SPEG: variants seen among roughly 807,000 people sequenced by gnomAD.
The protein encoded by SPEG is striated muscle preferentially expressed protein kinase.
In SPEG, 114 loss-of-function variants were observed where a neutral mutation model predicts 300.4. The ratio of observed to expected loss-of-function variants is 0.38; its 90% CI spans 0.33 to 0.44. The LOEUF is 0.44. Among genes scored for constraint, SPEG ranks in the 20% least tolerant of loss-of-function variants. The pLI is 1.00. For missense variants in SPEG, 4,201 were observed against 4,586.2 expected (o/e 0.92, Z 2.43); for synonymous variants, 1,964 against 2,018.9 (o/e 0.97, Z 0.73).
intron 31 of SPEG, among the ~76,000 whole-genome samples, chr2:219,486,278 C>A (rs1200759703): frequency 6.6e-6 from 1 of 152,218 alleles, no homozygotes; most frequent in African/African-American, 2.4e-5. Context: ...GCAAAGGCTT[C>A]GGGAGGTTGG....
At position 219,437,812 on chromosome 2, in the gene SPEG, C is replaced by T. The variant is rs367721273; in HGVS notation, c.388+2447C>T. Among the ~76,000 whole-genome samples, 5 of 152,278 alleles carry T rather than the reference C, an allele frequency of 3.3e-5. 1 individual carries two copies. The highest frequency in any genetic ancestry group is 2.0e-4 in the Admixed American group (3 of 15,302). ...ACCAGCCCCTGCCCAGTGATAGCTCCTGCTCCAGGGCAGCCGGGCAAGCAG... is the reference window on the plus strand; with the variant it reads ...ACCAGCCCCTGCCCAGTGATAGCTCTTGCTCCAGGGCAGCCGGGCAAGCAG... On this transcript the variant is annotated intron_variant, in intron 1 of 40. Coordinates refer to ENST00000312358, the MANE Select transcript of SPEG (RefSeq NM_005876.5).
Position 219,445,008 on chromosome 2 carries a change from G to A in SPEG, c.662G>A (p.Gly221Glu). 1 of 1,610,806 alleles carries A rather than the reference G, an allele frequency of 6.2e-7. No homozygotes were observed. Among genetic ancestry groups the A allele is most frequent in the South Asian group, 1.1e-5 (1 of 90,908 alleles). ...SPRQAQATGA[G>E]PRHLGVEPLV... Reference sequence around the variant, plus strand: ...AGGCAAGCACAGGCAACCGGGGCCGGGCCACGGCACCTGGGGGTGGAGCCG... The same window carrying A: ...AGGCAAGCACAGGCAACCGGGGCCGAGCCACGGCACCTGGGGGTGGAGCCG... Residue 221 changes from glycine to glutamate, a missense_variant, in exon 3 of 41, where the codon GGG becomes GAG. Gly to Glu is a moderately conservative substitution (Grantham distance 98, BLOSUM62 -2). Coordinates refer to ENST00000312358, the MANE Select transcript of SPEG (RefSeq NM_005876.5). The surrounding 1 kb of genome is among the most constrained non-coding windows in gnomAD (Gnocchi z 6.1).
rs1468159298 is a variant in SPEG at position 219,448,923 on chromosome 2, G to A, written c.1765G>A (p.Glu589Lys). Residue 589 changes from glutamate to lysine, a missense_variant, in exon 4 of 41, where the codon GAG (glutamate) becomes AAG (lysine). By Grantham distance (56) the Glu-to-Lys change is moderately conservative. Around this residue, in one of 4 missense-constraint regions of SPEG, gnomAD observed 1,258 missense variants for 1,293.9 expected, o/e 0.97. Coordinates refer to ENST00000312358, the MANE Select transcript of SPEG (RefSeq NM_005876.5). ...AGAGCCGGGGGAAGGCCCGCAGCAG[G>A]AGGTTAGGCGTCGGGACCAATTCCC... ...RTEPGEGPQQ[E>K]VRRRDQFPLT... is the part of the protein sequence containing the mutation. 6.7e-7 allele frequency: 1 copy of A among 1,481,642 alleles called. No homozygotes were observed. Among genetic ancestry groups the A allele is most frequent in the Admixed American group, 2.3e-5 (1 of 43,486 alleles). The allele number at this position is 1,481,642 out of a possible 1,614,324, so 91.8% of individuals were successfully genotyped here.
rs779080265 is a variant in SPEG, at chr2:219,448,401, G to C, written c.1243G>C (p.Glu415Gln). The change falls in exon 4 of 41, where the codon GAG becomes CAG. Residue 415 changes from glutamate (E) to glutamine (Q), a missense_variant. Physicochemically the swap from Glu to Gln is conservative, Grantham distance 29. Transcript: ENST00000312358. The part of the protein sequence containing the change: ...QFFEERRRSL[E>Q]RSDSPPAPLR... ...CTTCGAGGAGCGACGGCGCAGCCTGGAGCGCAGCGACTCGCCGCCGGCGCC... is the reference window on the plus strand; with the variant it reads ...CTTCGAGGAGCGACGGCGCAGCCTGCAGCGCAGCGACTCGCCGCCGGCGCC... 6.5e-7 allele frequency: 1 copy of C among 1,534,676 alleles called. No individual in the cohort carries two copies. The highest frequency in any genetic ancestry group is 1.2e-5 in the South Asian group (1 of 83,158).
chr2:219,435,846 C>T (rs1054858978), intron 1 of SPEG, among the ~76,000 whole-genome samples: 3 of 152,146 alleles, frequency 2.0e-5, no homozygotes, highest in Non-Finnish European at 4.4e-5. Context: ...AGGCCATTGC[C>T]GTGGCAGGGT....
intron 1 of SPEG, among the ~76,000 whole-genome samples, chr2:219,436,482 G>A (rs759379406): frequency 8.5e-5 from 13 of 152,244 alleles, no homozygotes; most frequent in Non-Finnish European, 1.5e-4. Flanking sequence ...TCCCTTGGAC[G>A]TTTCTAAGAG....
rs1033570808 is a variant in SPEG at position 219,435,145 on chromosome 2, G to C, written c.168G>C (p.Ala56=). ...CCCTGAAGAACGCGGCGGTGTGCGC[G>C]GGCAGCGACGTGCGGCTGCGGGTGG... ...LRPLKNAAVC[A]GSDVRLRVVV... The change falls in exon 1 of 41, where the codon GCG becomes GCC. Residue 56 remains alanine (A), a synonymous_variant. Coordinates refer to ENST00000312358, the MANE Select transcript of SPEG (RefSeq NM_005876.5). 2.7e-6 allele frequency: 4 copies of C among 1,461,284 alleles called. No homozygotes were observed. Among genetic ancestry groups the C allele is most frequent in the African/African-American group, 1.5e-5 (1 of 67,466 alleles). The allele number at this position is 1,461,284 out of a possible 1,614,324, so 90.5% of individuals were successfully genotyped here. A position where few individuals can be genotyped will look rare whatever the true frequency, so the allele number is the denominator to read the frequency against.
intron 6 of SPEG, among the ~76,000 whole-genome samples, chr2:219,455,834 A>G (rs1690136141): frequency 1.3e-5 from 2 of 151,914 alleles, no homozygotes; most frequent in South Asian, 4.2e-4. Flanking sequence ...CAGCTTCCCC[A>G]CCGTGCGCCC....
chr2:219,451,687 G>A lies in SPEG; in HGVS notation c.2320G>A (p.Gly774Ser). 1 of 1,581,514 alleles carries A rather than the reference G, an allele frequency of 6.3e-7. No homozygotes were observed. The highest frequency in any genetic ancestry group is 8.6e-7 in the Non-Finnish European group (1 of 1,165,344). ...SEGRLLLRAE[G>S]ERHTLLLREA... ...GGGCCGCCTCCTCCTCCGGGCTGAG[G>A]GTGAGCGGCACACCCTGCTGCTCAG... The change falls in exon 6 of 41, where the codon GGT (glycine) becomes AGT (serine). Residue 774 changes from glycine to serine, a missense_variant. This residue lies in a region of SPEG where 1,258 missense variants were observed against 1,293.9 expected (regional missense o/e 0.97). Transcript: ENST00000312358. This position sits in a 1 kb window ranked among gnomAD's most constrained non-coding sequence, Gnocchi z 6.4.
At chr2:219,490,182 T>C (rs1424575548) in intron 36 of SPEG, among the ~76,000 whole-genome samples, 2 of 152,208 alleles carry the variant, frequency 1.3e-5, no homozygotes, top group African/African-American at 4.8e-5. Flanking sequence ...ATTTCACAGG[T>C]GGCAAAGCTG....
chr2:219,478,917 A>G (rs1692577240), intron 22 of SPEG, among the ~76,000 whole-genome samples: 1 of 152,188 alleles, frequency 6.6e-6, no homozygotes, highest in South Asian at 2.1e-4. Context: ...GACTTGTCTG[A>G]GATCCCATAG....
At chr2:219,454,265 G>T (rs78467313) in intron 6 of SPEG, among the ~76,000 whole-genome samples, 2 of 152,206 alleles carry the variant, frequency 1.3e-5, no homozygotes, top group Non-Finnish European at 2.9e-5. Context: ...GGCAGGGTCT[G>T]TGCGGAAAGG....
chr2:219,480,740 C>G lies in SPEG; in HGVS notation c.5369+43C>G. 6.2e-7 allele frequency: 1 copy of G among 1,601,886 alleles called. No homozygotes were observed. Among genetic ancestry groups the G allele is most frequent in the Non-Finnish European group, 8.6e-7 (1 of 1,168,944 alleles). ...ATGTCCCAGCAGTCTCCTGGCAGGT[C>G]TACCCCTAACCTTTGCAGGGCTGCA... On this transcript the variant is annotated intron_variant, in intron 26 of 40. Transcript: ENST00000312358. This position sits in a 1 kb window ranked among gnomAD's most constrained non-coding sequence, Gnocchi z 5.3.
rs13419150 is a variant in SPEG, at chr2:219,438,244, C to T, written c.388+2879C>T. Among the ~76,000 whole-genome samples, 316 of 152,226 alleles carry T rather than the reference C, an allele frequency of 2.1e-3. 2 individuals carry two copies. The highest frequency in any genetic ancestry group is 7.3e-3 in the African/African-American group (305 of 41,522). ...AGAATCCTTAACATGCGTAAGTACC[C>T]TGTCTCATTTAATTATTTAATCTTC... On this transcript the variant is annotated intron_variant, in intron 1 of 40. Transcript: ENST00000312358.
chr2:219,488,246 G>A lies in SPEG; in HGVS notation c.7794G>A (p.Gly2598=), dbSNP rs1396009025. 1.9e-6 allele frequency: 3 copies of A among 1,613,536 alleles called. No individual in the cohort carries two copies. The highest frequency in any genetic ancestry group is 2.5e-6 in the Non-Finnish European group (3 of 1,179,870). ...IKLKDQVLLE[G]EAATLLCLPA... is the part of the protein sequence containing the mutation. ...TCAAGGACCAGGTGCTGCTGGAGGG[G>A]GAGGCAGCCACCCTGCTCTGCCTGC... Residue 2598 remains glycine (G), a synonymous_variant, in exon 32 of 41, where the codon GGG becomes GGA. Coordinates refer to ENST00000312358, the MANE Select transcript of SPEG (RefSeq NM_005876.5).
At position 219,443,355 on chromosome 2, in the gene SPEG, A is replaced by G; in HGVS notation, c.389-1298A>G. On this transcript the variant is annotated intron_variant, in intron 1 of 40. Coordinates refer to ENST00000312358, the MANE Select transcript of SPEG (RefSeq NM_005876.5). The surrounding 1 kb of genome is among the most constrained non-coding windows in gnomAD (Gnocchi z 4.6). Reference sequence around the variant, plus strand: ...GACCCAGCAGAAGGGAGGGCGGCTCACTAGCACACCCCTGCATGGACTGGG... The same window carrying G: ...GACCCAGCAGAAGGGAGGGCGGCTCGCTAGCACACCCCTGCATGGACTGGG... 1.6e-6 allele frequency: 1 copy of G among 641,284 alleles called. No individual in the cohort carries two copies. Among genetic ancestry groups the G allele is most frequent in the Non-Finnish European group, 2.9e-6 (1 of 349,434 alleles). The allele number at this position is 641,284 out of a possible 1,614,324, so 39.7% of individuals were successfully genotyped here.
chr2:219,479,939 A>G lies in SPEG; in HGVS notation c.5164-23A>G, dbSNP rs1478888183. Reference sequence around the variant, plus strand: ...ATCCTTCCTTGTTCATTTGGCCCGCACACCTCGCCTTGTGTCTTCCAGCCT... The same window carrying G: ...ATCCTTCCTTGTTCATTTGGCCCGCGCACCTCGCCTTGTGTCTTCCAGCCT... On this transcript the variant is annotated intron_variant, in intron 24 of 40. Coordinates refer to ENST00000312358, the MANE Select transcript of SPEG (RefSeq NM_005876.5). This position sits in a 1 kb window ranked among gnomAD's most constrained non-coding sequence, Gnocchi z 5.5. 1.2e-6 allele frequency: 2 copies of G among 1,613,954 alleles called. No individual in the cohort carries two copies. The highest frequency in any genetic ancestry group is 2.7e-5 in the African/African-American group (2 of 74,896).
Position 219,479,310 on chromosome 2 carries a change from CA to C in SPEG, c.5085+110del, listed in dbSNP as rs770290982. On this transcript the variant is annotated intron_variant, in intron 23 of 40. Transcript: ENST00000312358. The surrounding 1 kb of genome is among the most constrained non-coding windows in gnomAD (Gnocchi z 5.5). ...TGTGCCATCTGTGCCCACAGGAAGC[CA>C]GGGGTGGAGGTGGAGAGCACTGTTA... The C allele has an allele frequency of 9.8e-6, 9 of 914,624 alleles. No individual in the cohort carries two copies. Among genetic ancestry groups the C allele is most frequent in the Middle Eastern group, 3.0e-4 (1 of 3,338 alleles). 56.7% of individuals were successfully genotyped at this position (914,624 alleles called of 1,614,324 possible). A position where few individuals can be genotyped will look rare whatever the true frequency, so the allele number is the denominator to read the frequency against.
At position 219,469,398 on chromosome 2, in the gene SPEG, C is replaced by T. The variant is rs1224818491; in HGVS notation, c.3715+19C>T. On this transcript the variant is annotated intron_variant, in intron 13 of 40. Coordinates refer to ENST00000312358, the MANE Select transcript of SPEG (RefSeq NM_005876.5). ...ACACAGTGTACGTGTCTGGGAAGTT[C>T]CCCGGGAGTGTCCCCTGCAGCACCC... 2.5e-6 allele frequency: 4 copies of T among 1,595,288 alleles called. No homozygotes were observed. Among genetic ancestry groups the T allele is most frequent in the Non-Finnish European group, 3.4e-6 (4 of 1,166,414 alleles).
Sources: allele counts gnomAD v4.1 joint callset (sites outside exome capture counted in the v4.1 genomes callset), GRCh38; gene constraint gnomAD v4.1.1; regional missense constraint gnomAD v4.1.1; non-coding constraint Gnocchi (gnomAD v3.1); transcripts MANE v1.5; gene names NCBI Gene and HGNC (gene_info 2026-07-23, HGNC 2026-07-21).